The following ATRIP variants were observed in gnomAD, a reference collection of about 807,000 sequenced individuals.
ATRIP encodes ATR interacting protein.
Under a neutral mutation model 78.1 loss-of-function variants are expected in ATRIP, and 44 were observed. The observed-to-expected ratio is 0.56, with a 90% CI of 0.44 to 0.72. The LOEUF (loss-of-function observed/expected upper bound fraction) is 0.72. Ranked by LOEUF, ATRIP falls within the 30% of genes least tolerant of loss-of-function variation. The probability of loss-of-function intolerance (pLI) is 0.00; values close to 1 mark genes in which losing one functional copy is unlikely to be tolerated. For synonymous variants in ATRIP, 388 were observed against 408.9 expected, an observed-to-expected ratio of 0.95 and a Z score of 0.62; for missense variants, 927 against 980.2, an observed-to-expected ratio of 0.95 and a Z score of 0.72.
At chr3:48,463,365 G>A (rs1403576935) in intron 8 of ATRIP, among the ~76,000 whole-genome samples, 1 of 152,058 alleles carries the variant, frequency 6.6e-6, no homozygotes, top group Admixed American at 6.6e-5. Flanking sequence ...CACCTCTGGA[G>A]GCCTGGTCAG....
Position 48,466,206 on chromosome 3 carries a change from G to A in ATRIP, c.*652G>A. On this transcript the variant is annotated 3_prime_UTR_variant, in exon 13 of 13. Coordinates refer to ENST00000320211, the MANE Select transcript of ATRIP (RefSeq NM_130384.3). ...GGGCGGGCCTGGCTCACGTGGGCCT[G>A]TAGGCGGGCCCACGCCAAGTTTCAC... The A allele has an allele frequency of 3.6e-6, 2 of 559,062 alleles. No individual in the cohort carries two copies. The highest frequency in any genetic ancestry group is 6.2e-5 in the East Asian group (2 of 32,392). 34.6% of individuals were successfully genotyped at this position (559,062 alleles called of 1,614,324 possible).
Position 48,467,205 on chromosome 3 carries a change from A to G in ATRIP, c.*1651A>G. Reference sequence around the variant, plus strand: ...GAGCTATAGCCTAGGCAGCATCTACACTCGCCTGTATGGGCAGTCCCCTCC... The same window carrying G: ...GAGCTATAGCCTAGGCAGCATCTACGCTCGCCTGTATGGGCAGTCCCCTCC... On this transcript the variant is annotated 3_prime_UTR_variant, in exon 13 of 13. Transcript: ENST00000320211. The G allele has an allele frequency of 6.2e-7, 1 of 1,613,796 alleles. No individual in the cohort carries two copies. Among genetic ancestry groups the G allele is most frequent in the Non-Finnish European group, 8.5e-7 (1 of 1,179,928 alleles).
At chr3:48,459,701 C>A in intron 6 of ATRIP, 86 bp from the exon 7 acceptor site, 1 of 1,543,378 alleles carries the variant, frequency 6.5e-7, no homozygotes, top group Non-Finnish European at 8.8e-7. Flanking sequence ...CAGTTGGCAT[C>A]CAAAGAATCC....
At chr3:48,464,233 A>G in intron 10 of ATRIP, 101 bp downstream of exon 10, 2 of 1,112,120 alleles carry the variant, frequency 1.8e-6, no homozygotes, top group East Asian at 2.4e-5. Context: ...GCTTTAATTC[A>G]TTTTAGTAAC....
In ATRIP at chr3:48,467,063, A is replaced by G; in HGVS notation, c.*1509A>G. The G allele has an allele frequency of 3.1e-6, 5 of 1,614,012 alleles. No homozygotes were observed. Among genetic ancestry groups the G allele is most frequent in the Non-Finnish European group, 4.2e-6 (5 of 1,180,030 alleles). On this transcript the variant is annotated 3_prime_UTR_variant, in exon 13 of 13. Transcript: ENST00000320211. Reference sequence around the variant, plus strand: ...GCTACGACTTCCCCCTGCTCCAAGCAGAGCTGGCTATGCTGGGCCTCACCA... The same window carrying G: ...GCTACGACTTCCCCCTGCTCCAAGCGGAGCTGGCTATGCTGGGCCTCACCA...
chr3:48,466,985 C>G lies in ATRIP; in HGVS notation c.*1431C>G. The G allele has an allele frequency of 6.2e-7, 1 of 1,613,302 alleles. No homozygotes were observed. On this transcript the variant is annotated 3_prime_UTR_variant, in exon 13 of 13. Coordinates refer to ENST00000320211, the MANE Select transcript of ATRIP (RefSeq NM_130384.3). The stretch of plus-strand genomic sequence containing the variant: ...ACAACCTGGCCAACCTGCTCCTAGC[C>G]TTCCTGCGGCGCCAGCCACAGCCCT...
At position 48,460,681 on chromosome 3, in the gene ATRIP, C is replaced by T. The variant is rs1189608725; in HGVS notation, c.1627C>T (p.Leu543Phe). The change falls in exon 8 of 13, where the codon CTT becomes TTT. Residue 543 changes from leucine (L) to phenylalanine (F), a missense_variant. By Grantham distance (22) the Leu-to-Phe change is conservative. Coordinates refer to ENST00000320211, the MANE Select transcript of ATRIP (RefSeq NM_130384.3). ...ACAGCACCCACTGTTGAAGATGCTT[C>T]TTCACCTGTTGGCTTTCTCTTCTGC... is the stretch of plus-strand genomic sequence containing the variant. ...QGQHPLLKML[L>F]HLLAFSSAAT... 6.2e-7 allele frequency: 1 copy of T among 1,614,046 alleles called. No individual in the cohort carries two copies. Among genetic ancestry groups the T allele is most frequent in the Admixed American group, 1.7e-5 (1 of 60,012 alleles).
At position 48,466,613 on chromosome 3, in the gene ATRIP, C is replaced by T; in HGVS notation, c.*1059C>T. The T allele has an allele frequency of 2.5e-6, 4 of 1,614,102 alleles. No homozygotes were observed. In the South Asian group the frequency reaches 4.4e-5, roughly 18 times the overall value. On this transcript the variant is annotated 3_prime_UTR_variant, in exon 13 of 13. Transcript: ENST00000320211. ...TAACACTGGGCACTCACACACCCAC[C>T]CCATGCTCCTCTCCAGGCTCAGCAG...
At position 48,464,959 on chromosome 3, in the gene ATRIP, C is replaced by A; in HGVS notation, c.2184C>A (p.His728Gln). 1.9e-6 allele frequency: 3 copies of A among 1,614,134 alleles called. No individual in the cohort carries two copies. Among genetic ancestry groups the A allele is most frequent in the Non-Finnish European group, 2.5e-6 (3 of 1,180,018 alleles). ...TGCGGGACACGGTGCTGCTGCTGCA[C>A]GGCCTATCGCAGAAGGACAAGCTCT... ...RCLRDTVLLL[H>Q]GLSQKDKLFM... The change falls in exon 12 of 13, where the codon CAC becomes CAA. Residue 728 changes from histidine to glutamine, a missense_variant. Transcript: ENST00000320211.
rs995254335 is a variant in ATRIP at position 48,466,304 on chromosome 3, G to T, written c.*750G>T. On this transcript the variant is annotated 3_prime_UTR_variant, in exon 13 of 13. Coordinates refer to ENST00000320211, the MANE Select transcript of ATRIP (RefSeq NM_130384.3). Reference sequence around the variant, plus strand: ...GTCACTACTGCCTGCCTGCCTGCCTGCTACGGTGAGTGTGGCCCCCACAAT... The same window carrying T: ...GTCACTACTGCCTGCCTGCCTGCCTTCTACGGTGAGTGTGGCCCCCACAAT... 62 of 737,656 alleles carry T rather than the reference G, an allele frequency of 8.4e-5. No individual in the cohort carries two copies. In the South Asian group the frequency reaches 9.6e-4, roughly 11 times the overall value. The allele number at this position is 737,656 out of a possible 1,614,324, so 45.7% of individuals were successfully genotyped here. A position where few individuals can be genotyped will look rare whatever the true frequency, so the allele number is the denominator to read the frequency against.
intron 8 of ATRIP, among the ~76,000 whole-genome samples, chr3:48,461,653 G>T (rs980760068): frequency 3.3e-5 from 5 of 152,138 alleles, no homozygotes; most frequent in Admixed American, 3.3e-4. Flanking sequence ...CAAGTGCCCA[G>T]CAGGGGCCCA....
chr3:48,447,091 C>A lies in ATRIP; in HGVS notation c.246C>A (p.Ser82=). ...SQCPAAARDV[S]SDHKVHRLLD... ...GTCCGGCCGCGGCTCGGGACGTGTC[C>A]AGTGAGTGCTCCTCGCGGCCTTTTG... The change falls in exon 1 of 13, where the codon TCC becomes TCA. Residue 82 remains serine (S), a splice_region_variant and synonymous_variant. Coordinates refer to ENST00000320211, the MANE Select transcript of ATRIP (RefSeq NM_130384.3). The A allele has an allele frequency of 6.5e-7, 1 of 1,531,992 alleles. No homozygotes were observed. Among genetic ancestry groups the A allele is most frequent in the Non-Finnish European group, 8.8e-7 (1 of 1,140,270 alleles). 94.9% of individuals were successfully genotyped at this position (1,531,992 alleles called of 1,614,324 possible). A position where few individuals can be genotyped will look rare whatever the true frequency, so the allele number is the denominator to read the frequency against.
intron 6 of ATRIP, 38 bp from the exon 7 acceptor site, chr3:48,459,749 C>T (rs547286785): frequency 1.3e-6 from 2 of 1,596,806 alleles, no homozygotes; most frequent in South Asian, 1.1e-5. Flanking sequence ...AAAGATCTCC[C>T]ATGTCAGAAC....
At chr3:48,452,027 A>C (rs1296934334) in intron 3 of ATRIP, 128 bp downstream of exon 3, 136 of 900,094 alleles carry the variant, frequency 1.5e-4, no homozygotes, top group Non-Finnish European at 1.8e-4. Context: ...CTATCATCTC[A>C]TTGCCATCCA....
chr3:48,453,331 A>T (rs2039879271), intron 3 of ATRIP, among the ~76,000 whole-genome samples: 1 of 152,196 alleles, frequency 6.6e-6, no homozygotes, highest in Admixed American at 6.5e-5. Context: ...AAACTTAGCA[A>T]ACTTTAAGCA....
chr3:48,467,133 A>C lies in ATRIP; in HGVS notation c.*1579A>C. ...CTGTGTGGATAGCATCACTGCGCTG[A>C]AGGCCCTGGAGCGAGCAAGCAGCCC... On this transcript the variant is annotated 3_prime_UTR_variant, in exon 13 of 13. Coordinates refer to ENST00000320211, the MANE Select transcript of ATRIP (RefSeq NM_130384.3). 1.2e-6 allele frequency: 2 copies of C among 1,613,918 alleles called. No homozygotes were observed. The highest frequency in any genetic ancestry group is 1.7e-6 in the Non-Finnish European group (2 of 1,180,008).
At chr3:48,463,421 C>T (rs1168630499) in intron 8 of ATRIP, among the ~76,000 whole-genome samples, 1 of 151,886 alleles carries the variant, frequency 6.6e-6, no homozygotes, top group Non-Finnish European at 1.5e-5. Context: ...AAGTTAGGAC[C>T]TGCATCCCTG....
rs111961808 is a variant in ATRIP at position 48,459,279 on chromosome 3, T to G, written c.830-80T>G. ...CGAAGAAGTAGAACAGCGTGTGTTT[T>G]AAACTCATTGCATGTAAAAGTTTCT... On this transcript the variant is annotated intron_variant, in intron 5 of 12. Transcript: ENST00000320211. 167 of 1,213,638 alleles carry G rather than the reference T, an allele frequency of 1.4e-4. No individual in the cohort carries two copies. The African/African-American group carries it at 1.9e-3, about 14-fold the overall frequency. 75.2% of individuals were successfully genotyped at this position (1,213,638 alleles called of 1,614,324 possible). A position where few individuals can be genotyped will look rare whatever the true frequency, so the allele number is the denominator to read the frequency against.
Position 48,466,979 on chromosome 3 carries a change from C to T in ATRIP, c.*1425C>T. ...TTGATGACAACCTGGCCAACCTGCT[C>T]CTAGCCTTCCTGCGGCGCCAGCCAC... On this transcript the variant is annotated 3_prime_UTR_variant, in exon 13 of 13. Coordinates refer to ENST00000320211, the MANE Select transcript of ATRIP (RefSeq NM_130384.3). The T allele has an allele frequency of 1.2e-6, 2 of 1,612,984 alleles. No individual in the cohort carries two copies. The highest frequency in any genetic ancestry group is 1.7e-6 in the Non-Finnish European group (2 of 1,180,022).
Sources: gnomAD v4.1 joint callset for allele counts (sites outside exome capture counted in the v4.1 genomes callset) on GRCh38, gnomAD v4.1.1 for gene constraint, MANE v1.5 for transcripts, NCBI Gene and HGNC (gene_info 2026-07-23, HGNC 2026-07-21) for gene names.